Variants in ANKRD55 observed in about 807,000 individuals in gnomAD.
ANKRD55 encodes the protein ankyrin repeat domain 55.
Under a neutral mutation model 60.6 loss-of-function variants are expected in ANKRD55, and 41 were observed. That is an observed-to-expected ratio of 0.68 (90% CI 0.53 to 0.88). ANKRD55 has a LOEUF of 0.88. Among genes scored for constraint, ANKRD55 ranks in the 40% least tolerant of loss-of-function variants. ANKRD55 has a pLI of 0.00. For synonymous variants in ANKRD55, 264 were observed against 290.3 expected (o/e 0.91, Z 0.92); for missense variants, 732 against 767.6 (o/e 0.95, Z 0.55).
intron 2 of ANKRD55, 39 bp from the exon 3 acceptor site, chr5:56,183,673 C>G: frequency 6.2e-7 from 1 of 1,604,190 alleles, no homozygotes. Flanking sequence ...GTGTGTGGAG[C>G]CAGTTCACTG....
intron 2 of ANKRD55, among the ~76,000 whole-genome samples, chr5:56,201,055 C>T (rs1265221416): frequency 1.3e-5 from 2 of 152,192 alleles, no homozygotes; most frequent in African/African-American, 4.8e-5. Flanking sequence ...AGTGGGAAGA[C>T]AAATGTCTTA....
At chr5:56,165,459 TC>T (rs1437040554) in intron 5 of ANKRD55, among the ~76,000 whole-genome samples, 1 of 152,172 alleles carries the variant, frequency 6.6e-6, no homozygotes, top group Non-Finnish European at 1.5e-5. Context: ...CTTTCTATCT[TC>T]CATCATCATC....
At chr5:56,139,061 G>A (rs943224829) in intron 7 of ANKRD55, among the ~76,000 whole-genome samples, 1 of 148,274 alleles carries the variant, frequency 6.7e-6, no homozygotes, top group Non-Finnish European at 1.5e-5. Flanking sequence ...TGGTAACGGG[G>A]GAGGCAATTT....
chr5:56,121,193 G>A (rs535112696), intron 8 of ANKRD55, among the ~76,000 whole-genome samples: 2 of 152,120 alleles, frequency 1.3e-5, no homozygotes, highest in Non-Finnish European at 2.9e-5. Flanking sequence ...CCAGAACCAA[G>A]GCACACACAA....
chr5:56,184,961 C>T (rs1488096513), intron 2 of ANKRD55, among the ~76,000 whole-genome samples: 1 of 151,426 alleles, frequency 6.6e-6, no homozygotes, highest in East Asian at 1.9e-4. Context: ...TGGCTCATGC[C>T]TGTAATCCCA....
chr5:56,135,254 C>T (rs1757533155), intron 7 of ANKRD55, among the ~76,000 whole-genome samples: 1 of 137,394 alleles, frequency 7.3e-6, no homozygotes, highest in South Asian at 2.4e-4. Flanking sequence ...TTCCTTCCTT[C>T]CTTCCTTCTT....
intron 6 of ANKRD55, among the ~76,000 whole-genome samples, chr5:56,147,608 C>T (rs182358378): frequency 6.6e-6 from 1 of 152,324 alleles, no homozygotes; most frequent in East Asian, 1.9e-4. Flanking sequence ...TGGTGATCCT[C>T]TGAATGGCTC....
rs1402966842 is a variant in ANKRD55 at position 56,152,285 on chromosome 5, T to C, written c.483+7548A>G. Among the ~76,000 whole-genome samples the C allele has an allele frequency of 7.9e-5, 12 of 151,706 alleles. No individual in the cohort carries two copies. In the East Asian group the frequency reaches 2.3e-3, roughly 29 times the overall value. On this transcript the variant is annotated intron_variant, in intron 6 of 11. Transcript: ENST00000341048. ...GGAATGTGGTAAGTAGAAGTGATGC[T>C]AAGAATTATGTCCAAAAGGTCACAT...
intron 6 of ANKRD55, among the ~76,000 whole-genome samples, chr5:56,150,442 G>A (rs1364567032): frequency 7.4e-5 from 11 of 148,278 alleles, no homozygotes; most frequent in African/African-American, 2.5e-5. Flanking sequence ...TGCCTCTACA[G>A]AAAAAAAAAA....
chr5:56,219,257 A>C (rs1759900520), intron 2 of ANKRD55, among the ~76,000 whole-genome samples: 1 of 142,336 alleles, frequency 7.0e-6, no homozygotes, highest in Admixed American at 7.2e-5. Flanking sequence ...TGGGGGATAG[A>C]GCAAGACTCT....
chr5:56,173,252 C>T (rs1758648294), intron 4 of ANKRD55, among the ~76,000 whole-genome samples: 1 of 152,148 alleles, frequency 6.6e-6, no homozygotes, highest in Admixed American at 6.5e-5. Flanking sequence ...GGCTGGAGTA[C>T]AGTGGCACGA....
intron 6 of ANKRD55, among the ~76,000 whole-genome samples, chr5:56,157,532 C>T (rs184323868): frequency 4.6e-5 from 7 of 152,308 alleles, no homozygotes; most frequent in East Asian, 1.9e-4. Flanking sequence ...TGGTGTAAAA[C>T]CCAGTTGTAT....
At chr5:56,228,094 C>T (rs159066) in intron 2 of ANKRD55, among the ~76,000 whole-genome samples, 54,293 of 152,028 alleles carry the variant, frequency 0.36, 10,808 homozygotes, top group East Asian at 0.84. Context: ...GCCCTAAAGA[C>T]ATGTTCTAAC....
At chr5:56,110,136 C>G (rs1034397911) in intron 10 of ANKRD55, among the ~76,000 whole-genome samples, 1 of 151,738 alleles carries the variant, frequency 6.6e-6, no homozygotes, top group African/African-American at 2.4e-5. Flanking sequence ...GTGGCTCATG[C>G]CTATAATCTC....
At chr5:56,223,111 G>A (rs1046544315) in intron 2 of ANKRD55, among the ~76,000 whole-genome samples, 6 of 152,104 alleles carry the variant, frequency 3.9e-5, no homozygotes, top group South Asian at 4.1e-4. Flanking sequence ...GAGAAAGGTC[G>A]GGTTACCCAC....
intron 7 of ANKRD55, among the ~76,000 whole-genome samples, chr5:56,140,837 T>C (rs1424140704): frequency 6.6e-6 from 1 of 152,044 alleles, no homozygotes; most frequent in Admixed American, 6.6e-5. Context: ...CTGAGGCAGG[T>C]GAATCAGCTG....
intron 5 of ANKRD55, chr5:56,162,187 G>A (rs895073466): frequency 2.1e-4 from 51 of 248,404 alleles, no homozygotes; most frequent in Admixed American, 5.9e-4. Flanking sequence ...GGATCTTCTG[G>A]GGCTCTAACC....
At chr5:56,191,407 G>T (rs192720453) in intron 2 of ANKRD55, among the ~76,000 whole-genome samples, 4 of 152,206 alleles carry the variant, frequency 2.6e-5, no homozygotes, top group Admixed American at 2.6e-4. Flanking sequence ...AGTTTTCAGT[G>T]TACCAGTCTT....
chr5:56,232,997 GAGGCAGCATC>G, intron 1 of ANKRD55, 51 bp from the exon 2 acceptor site: 1 of 1,317,240 alleles, frequency 7.6e-7, no homozygotes, highest in Non-Finnish European at 1.1e-6. Flanking sequence ...ATGACAGTCA[GAGGCAGCATC>G]GTTTGCCAAG....
Sources: allele counts gnomAD v4.1 joint callset (sites outside exome capture counted in the v4.1 genomes callset), GRCh38; gene constraint gnomAD v4.1.1; transcripts MANE v1.5; gene names NCBI Gene and HGNC (gene_info 2026-07-23, HGNC 2026-07-21).